CADM2: variants seen among roughly 807,000 people sequenced by gnomAD.
The protein encoded by CADM2 is cell adhesion molecule 2.
CADM2 carries 12 observed loss-of-function variants against 49.8 expected under a neutral mutation model. The observed-to-expected ratio is 0.24, with a 90% CI of 0.15 to 0.39. The LOEUF (loss-of-function observed/expected upper bound fraction) is 0.39. Among genes scored for constraint, CADM2 ranks in the 10% least tolerant of loss-of-function variants. The pLI is 1.00. For missense variants in CADM2, 378 were observed against 492.3 expected (o/e 0.77, Z 2.20); for synonymous variants, 214 against 175.4 (o/e 1.22, Z -1.74).
rs562022209 is a variant in CADM2, at chr3:86,072,049, A to C, written c.*5266A>C. 332 of 152,030 alleles carry C rather than the reference A, an allele frequency of 2.2e-3. 3 individuals are homozygous for C. The highest frequency in any genetic ancestry group is 7.6e-3 in the African/African-American group (317 of 41,552). The allele number at this position is 152,030 out of a possible 1,614,324, so 9.4% of individuals were successfully genotyped here. A position where few individuals can be genotyped will look rare whatever the true frequency, so the allele number is the denominator to read the frequency against. ...TTAATAAATAATCCTCATATAATGC[A>C]CAGTATTGCCACAAATGCCCACTTC... On this transcript the variant is annotated 3_prime_UTR_variant, in exon 10 of 10. Coordinates refer to ENST00000383699, the MANE Select transcript of CADM2 (RefSeq NM_001167675.2).
At chr3:85,282,382 C>T (rs1468923571) in intron 1 of CADM2, among the ~76,000 whole-genome samples, 1 of 149,890 alleles carries the variant, frequency 6.7e-6, no homozygotes. Flanking sequence ...CTGTCATAGC[C>T]TCCCGAGTAG....
chr3:85,429,456 C>A (rs1429919549), intron 1 of CADM2, among the ~76,000 whole-genome samples: 1 of 151,794 alleles, frequency 6.6e-6, no homozygotes, highest in African/African-American at 2.4e-5. Flanking sequence ...AATTATATAT[C>A]GTTAAATATA....
intron 1 of CADM2, among the ~76,000 whole-genome samples, chr3:85,471,178 G>A (rs1247582290): frequency 2.0e-5 from 3 of 152,020 alleles, no homozygotes; most frequent in African/African-American, 4.8e-5. Context: ...TCAGTTTCGC[G>A]TCATCACTCA....
chr3:86,007,905 T>G (rs1730987183), intron 8 of CADM2, among the ~76,000 whole-genome samples: 1 of 152,208 alleles, frequency 6.6e-6, no homozygotes, highest in Non-Finnish European at 1.5e-5. Flanking sequence ...CAATGTCTTG[T>G]TCTTCGTTTT....
At chr3:85,208,301 G>A (rs1488431458) in intron 1 of CADM2, among the ~76,000 whole-genome samples, 1 of 152,016 alleles carries the variant, frequency 6.6e-6, no homozygotes, top group Non-Finnish European at 1.5e-5. Flanking sequence ...TACTAGAAAC[G>A]TTTTAATAAA....
At chr3:85,022,085 C>CT (rs1285629572) in intron 1 of CADM2, among the ~76,000 whole-genome samples, 2 of 152,254 alleles carry the variant, frequency 1.3e-5, no homozygotes, top group Non-Finnish European at 2.9e-5. Flanking sequence ...AACAAAATGG[C>CT]TTAAGAGCCA....
intron 1 of CADM2, among the ~76,000 whole-genome samples, chr3:85,629,226 C>T (rs1046474387): frequency 2.0e-5 from 3 of 151,506 alleles, no homozygotes; most frequent in Non-Finnish European, 2.9e-5. Context: ...ACAAAGCATA[C>T]GAAAATTGAA....
chr3:85,149,943 A>G (rs1027585675), intron 1 of CADM2, among the ~76,000 whole-genome samples: 2 of 152,194 alleles, frequency 1.3e-5, no homozygotes, highest in Non-Finnish European at 2.9e-5. Context: ...CAGTCTCTTA[A>G]CAATGGATAT....
At chr3:85,840,670 A>G (rs2074602231) in intron 3 of CADM2, among the ~76,000 whole-genome samples, 1 of 151,824 alleles carries the variant, frequency 6.6e-6, no homozygotes, top group African/African-American at 2.4e-5. Context: ...AGTGAACCCA[A>G]CTGTTACTTG....
intron 1 of CADM2, among the ~76,000 whole-genome samples, chr3:85,687,790 G>C (rs142533603): frequency 3.9e-5 from 6 of 152,156 alleles, no homozygotes; most frequent in South Asian, 2.1e-4. Context: ...CTAGAGCAAG[G>C]GTCCCCACAC....
chr3:85,548,862 G>A (rs1392759362), intron 1 of CADM2, among the ~76,000 whole-genome samples: 4 of 152,108 alleles, frequency 2.6e-5, no homozygotes, highest in Admixed American at 2.0e-4. Context: ...TAAAGTAAGT[G>A]GCAAATGTGA....
intron 1 of CADM2, among the ~76,000 whole-genome samples, chr3:85,070,986 C>T (rs924768092): frequency 2.2e-5 from 2 of 91,464 alleles, no homozygotes; most frequent in East Asian, 5.7e-4. Flanking sequence ...GAAACTCTGT[C>T]TCAATAAATA....
At chr3:85,477,243 A>AACACACAC (rs139955724) in intron 1 of CADM2, among the ~76,000 whole-genome samples, 6,593 of 144,762 alleles carry the variant, frequency 0.046, 299 homozygotes, top group Admixed American at 0.12. Flanking sequence ...GATTCCCTTA[A>AACACACAC]ACACACACAC....
intron 1 of CADM2, among the ~76,000 whole-genome samples, chr3:85,564,693 A>C (rs1239041620): frequency 6.6e-6 from 1 of 152,094 alleles, no homozygotes; most frequent in East Asian, 1.9e-4. Context: ...AAACCAGAAG[A>C]TATGTTAATG....
chr3:85,264,223 G>A (rs999383126), intron 1 of CADM2, among the ~76,000 whole-genome samples: 1 of 152,042 alleles, frequency 6.6e-6, no homozygotes, highest in African/African-American at 2.4e-5. Flanking sequence ...TATCTTCAAA[G>A]CTCCAAACCT....
intron 1 of CADM2, among the ~76,000 whole-genome samples, chr3:85,182,298 A>G (rs1228007278): frequency 6.6e-6 from 1 of 152,096 alleles, no homozygotes; most frequent in Non-Finnish European, 1.5e-5. Context: ...GAAAGGGATA[A>G]TAAATTTACA....
At chr3:85,925,704 C>T (rs1398674124) in intron 6 of CADM2, among the ~76,000 whole-genome samples, 2 of 152,102 alleles carry the variant, frequency 1.3e-5, no homozygotes, top group African/African-American at 2.4e-5. Context: ...GAGTATTAAG[C>T]GTTCACTTCC....
At chr3:85,229,597 A>G (rs1399106538) in intron 1 of CADM2, among the ~76,000 whole-genome samples, 1 of 152,204 alleles carries the variant, frequency 6.6e-6, no homozygotes, top group Non-Finnish European at 1.5e-5. Context: ...CTGGACCCTG[A>G]CAAATGTTTT....
At chr3:85,892,121 A>G (rs1295442537) in intron 5 of CADM2, among the ~76,000 whole-genome samples, 1 of 152,208 alleles carries the variant, frequency 6.6e-6, no homozygotes, top group East Asian at 1.9e-4. Context: ...CTAGCTTAGT[A>G]CTTAAGAGGC....
Sources: allele counts gnomAD v4.1 joint callset (sites outside exome capture counted in the v4.1 genomes callset), GRCh38; gene constraint gnomAD v4.1.1; transcripts MANE v1.5; gene names NCBI Gene and HGNC (gene_info 2026-07-23, HGNC 2026-07-21).